RGS6: variants seen among roughly 807,000 people sequenced by gnomAD.
RGS6 encodes the protein regulator of G protein signaling 6, also known as regulator of G-protein signaling 6.
Under a neutral mutation model 78.5 loss-of-function variants are expected in RGS6, and 30 were observed. The observed-to-expected ratio is 0.38, with a 90% confidence interval of 0.29 to 0.52. The LOEUF is 0.52. Ranked by LOEUF, RGS6 falls within the 20% of genes least tolerant of loss-of-function variation. RGS6 has a pLI of 0.85. For missense variants in RGS6, 495 were observed against 609.7 expected (o/e 0.81, Z 1.98); for synonymous variants, 206 against 206.0 (o/e 1.00, Z 0.00).
intron 17 of RGS6, among the ~76,000 whole-genome samples, chr14:72,549,869 C>T (rs1036845404): frequency 3.3e-5 from 5 of 152,122 alleles, no homozygotes; most frequent in Non-Finnish European, 7.4e-5. Flanking sequence ...CCCCATCCCA[C>T]AAAAAACCCC....
intron 12 of RGS6, among the ~76,000 whole-genome samples, chr14:72,483,981 C>G (rs543262791): frequency 1.3e-5 from 2 of 150,586 alleles, no homozygotes; most frequent in Admixed American, 1.3e-4. Context: ...AAAAAAAAAG[C>G]TAGATTAATT....
At chr14:72,229,742 C>T (rs185825112) in intron 2 of RGS6, among the ~76,000 whole-genome samples, 17 of 152,300 alleles carry the variant, frequency 1.1e-4, no homozygotes, top group African/African-American at 3.4e-4. Context: ...AAGCTCCCTT[C>T]GGAGATTCTG....
chr14:71,956,740 C>G (rs1042825952), intron 1 of RGS6, among the ~76,000 whole-genome samples: 5 of 152,146 alleles, frequency 3.3e-5, no homozygotes, highest in Admixed American at 1.3e-4. Context: ...CAGACACACC[C>G]AGGATCAATA....
chr14:72,340,614 G>A (rs1476617469), intron 2 of RGS6, among the ~76,000 whole-genome samples: 4 of 152,188 alleles, frequency 2.6e-5, no homozygotes, highest in African/African-American at 9.7e-5. Context: ...GGAGGGTCTG[G>A]TGATGACAGC....
intron 2 of RGS6, among the ~76,000 whole-genome samples, chr14:72,013,164 G>A (rs1461623655): frequency 2.0e-5 from 3 of 151,044 alleles, no homozygotes; most frequent in Non-Finnish European, 4.4e-5. Context: ...CCAACTACTC[G>A]GGAGGTTGAG....
intron 2 of RGS6, among the ~76,000 whole-genome samples, chr14:72,287,646 C>T (rs906556626): frequency 6.6e-6 from 1 of 152,038 alleles, no homozygotes; most frequent in Middle Eastern, 3.2e-3. Flanking sequence ...TTAGTAGAGA[C>T]GGAGTTTCAC....
At chr14:72,031,000 G>C (rs536011840) in intron 2 of RGS6, among the ~76,000 whole-genome samples, 13 of 148,680 alleles carry the variant, frequency 8.7e-5, no homozygotes, top group Admixed American at 5.3e-4. Context: ...TTTTTTTTAG[G>C]ATTTGAGATT....
intron 17 of RGS6, chr14:72,547,276 G>C (rs771924929): frequency 1.3e-4 from 200 of 1,535,564 alleles, no homozygotes; most frequent in Non-Finnish European, 1.7e-4. Context: ...TCACGGTCAA[G>C]GAGAGGAGAC....
the RGS6 span, among the ~76,000 whole-genome samples, chr14:71,869,185 A>G: frequency 6.6e-6 from 1 of 152,204 alleles, no homozygotes; most frequent in Non-Finnish European, 1.5e-5. Flanking sequence ...CCTGCCTTGC[A>G]TTTTCAAAGT....
chr14:71,917,057 A>G, the RGS6 span, among the ~76,000 whole-genome samples: 1 of 152,226 alleles, frequency 6.6e-6, no homozygotes, highest in Non-Finnish European at 1.5e-5. Flanking sequence ...AGGATGCCAC[A>G]GGTCATCACT....
intron 2 of RGS6, among the ~76,000 whole-genome samples, chr14:72,309,414 T>A (rs754684366): frequency 5.3e-5 from 8 of 152,246 alleles, no homozygotes; most frequent in Non-Finnish European, 1.2e-4. Flanking sequence ...GTCCATTTAA[T>A]GCATGAATGA....
At chr14:72,432,106 G>A (rs1382392560) in intron 3 of RGS6, among the ~76,000 whole-genome samples, 1 of 152,224 alleles carries the variant, frequency 6.6e-6, no homozygotes, top group Non-Finnish European at 1.5e-5. Flanking sequence ...TCTGGGTGCA[G>A]CCAGGACACT....
intron 6 of RGS6, among the ~76,000 whole-genome samples, chr14:72,463,250 A>G (rs1322911196): frequency 6.6e-6 from 1 of 152,202 alleles, no homozygotes; most frequent in Non-Finnish European, 1.5e-5. Flanking sequence ...CCAATATCTG[A>G]GCTTAAGACA....
chr14:72,277,936 A>C (rs1343554300), intron 2 of RGS6, among the ~76,000 whole-genome samples: 2 of 152,080 alleles, frequency 1.3e-5, no homozygotes, highest in African/African-American at 2.4e-5. Context: ...AAAATAATAA[A>C]ATAAAATAAA....
At chr14:72,283,598 G>A (rs2061959098) in intron 2 of RGS6, among the ~76,000 whole-genome samples, 1 of 152,002 alleles carries the variant, frequency 6.6e-6, no homozygotes, top group East Asian at 1.9e-4. Context: ...CACCATGATT[G>A]TGAGGCACCC....
chr14:72,240,289 A>C (rs2052432110), intron 2 of RGS6, among the ~76,000 whole-genome samples: 1 of 152,268 alleles, frequency 6.6e-6, no homozygotes, highest in Middle Eastern at 3.4e-3. Flanking sequence ...TTGATAGTAA[A>C]CCAGTGAGTA....
intron 2 of RGS6, among the ~76,000 whole-genome samples, chr14:72,339,041 T>C (rs1300947650): frequency 6.6e-6 from 1 of 152,202 alleles, no homozygotes; most frequent in Non-Finnish European, 1.5e-5. Context: ...AAGTAGTTCA[T>C]GGATATTAGA....
chr14:71,971,906 GTTTTTTTTTTTT>G (rs57854685), intron 2 of RGS6, among the ~76,000 whole-genome samples: 10 of 104,448 alleles, frequency 9.6e-5, no homozygotes, highest in African/African-American at 3.4e-4. Flanking sequence ...AATATGGCAG[GTTTTTTTTTTTT>G]TTTTTTTTTT....
At chr14:72,122,184 C>T (rs1406017935) in intron 2 of RGS6, among the ~76,000 whole-genome samples, 1 of 152,074 alleles carries the variant, frequency 6.6e-6, no homozygotes, top group East Asian at 1.9e-4. Context: ...CTTTTATTTC[C>T]ACTCTTGATT....
Sources: allele counts gnomAD v4.1 joint callset (sites outside exome capture counted in the v4.1 genomes callset), GRCh38; gene constraint gnomAD v4.1.1; transcripts MANE v1.5; gene names NCBI Gene and HGNC (gene_info 2026-07-23, HGNC 2026-07-21).